SLC35F4: variants seen among roughly 807,000 people sequenced by gnomAD.
The protein encoded by SLC35F4 is chromosome 14 open reading frame 36.
A neutral mutation model predicts 44.2 loss-of-function variants in SLC35F4; 24 were observed. That is an observed-to-expected ratio of 0.54 (90% CI 0.39 to 0.76). The LOEUF (loss-of-function observed/expected upper bound fraction) is 0.76, where lower values mean the gene tolerates loss of function less well. SLC35F4 is among the 30% of genes least tolerant of loss of function. The probability of loss-of-function intolerance (pLI) is 0.00; values close to 1 mark genes in which losing one functional copy is unlikely to be tolerated. For synonymous variants in SLC35F4, 238 were observed against 223.6 expected (o/e 1.06, Z -0.57); for missense variants, 562 against 586.1 (o/e 0.96, Z 0.42).
chr14:57,705,168 A>C (rs971744205), intron 1 of SLC35F4, among the ~76,000 whole-genome samples: 4 of 152,174 alleles, frequency 2.6e-5, no homozygotes, highest in Admixed American at 2.0e-4. Flanking sequence ...AGGACTAATA[A>C]ATGCTAGCTA....
intron 4 of SLC35F4, among the ~76,000 whole-genome samples, chr14:57,573,796 T>C (rs2139725919): frequency 6.6e-6 from 1 of 152,332 alleles, no homozygotes; most frequent in Non-Finnish European, 1.5e-5. Context: ...TGTGCACAAA[T>C]AGATTTCCTT....
chr14:57,679,530 A>G (rs1210022859), intron 1 of SLC35F4, among the ~76,000 whole-genome samples: 2 of 152,224 alleles, frequency 1.3e-5, no homozygotes, highest in Non-Finnish European at 2.9e-5. Flanking sequence ...AGATTAGAGC[A>G]GAACTGAAGG....
chr14:57,573,450 G>A (rs1045581508), intron 4 of SLC35F4, among the ~76,000 whole-genome samples: 3 of 152,114 alleles, frequency 2.0e-5, no homozygotes, highest in African/African-American at 4.8e-5. Flanking sequence ...TGAAGCTGCC[G>A]GGTGTGTGTT....
intron 1 of SLC35F4, among the ~76,000 whole-genome samples, chr14:57,968,911 C>T (rs1880970009): frequency 6.6e-6 from 1 of 152,148 alleles, no homozygotes; most frequent in Admixed American, 6.5e-5. Flanking sequence ...ACTTAGGAAT[C>T]CGTTAAACTT....
chr14:57,710,558 C>T (rs1432855225), intron 1 of SLC35F4, among the ~76,000 whole-genome samples: 1 of 152,102 alleles, frequency 6.6e-6, no homozygotes, highest in East Asian at 1.9e-4. Flanking sequence ...GGAAAAGCCA[C>T]AGATACTCAA....
intron 1 of SLC35F4, among the ~76,000 whole-genome samples, chr14:57,666,146 G>A (rs1594749226): frequency 1.3e-5 from 2 of 152,160 alleles, no homozygotes; most frequent in Non-Finnish European, 1.5e-5. Flanking sequence ...GCTTGTCATA[G>A]GAAAGTCCTT....
intron 1 of SLC35F4, among the ~76,000 whole-genome samples, chr14:57,928,355 G>A (rs1397896701): frequency 2.6e-5 from 4 of 152,194 alleles, no homozygotes; most frequent in Non-Finnish European, 4.4e-5. Context: ...GGTGTTGGAG[G>A]AGGCCTGTGG....
downstream of SLC35F4, among the ~76,000 whole-genome samples, chr14:57,976,139 G>T (rs975675824): frequency 2.0e-5 from 3 of 152,208 alleles, no homozygotes; most frequent in African/African-American, 4.8e-5. Flanking sequence ...TTAAGGGAAG[G>T]TTAGGTCTGC....
At chr14:57,776,665 CAAAAAAA>C (rs57272978) in intron 1 of SLC35F4, among the ~76,000 whole-genome samples, 541 of 72,070 alleles carry the variant, frequency 7.5e-3, no homozygotes, top group Non-Finnish European at 0.012. Flanking sequence ...GACTCCATCT[CAAAAAAA>C]AAAAAAAAAA....
At chr14:57,818,271 G>A (rs576787121) in intron 1 of SLC35F4, among the ~76,000 whole-genome samples, 9 of 152,190 alleles carry the variant, frequency 5.9e-5, no homozygotes, top group Admixed American at 3.9e-4. Flanking sequence ...TCAGCATTCC[G>A]CTCAGTAACC....
At chr14:57,730,706 G>A (rs752946744) in intron 1 of SLC35F4, among the ~76,000 whole-genome samples, 55 of 152,280 alleles carry the variant, frequency 3.6e-4, no homozygotes, top group South Asian at 2.1e-4. Context: ...GCAATACAGT[G>A]TGCATTATTT....
intron 1 of SLC35F4, among the ~76,000 whole-genome samples, chr14:57,793,960 GA>G (rs2077991128): frequency 6.6e-6 from 1 of 152,070 alleles, no homozygotes; most frequent in Non-Finnish European, 1.5e-5. Flanking sequence ...ACAAATTGAG[GA>G]AAGGACATGC....
chr14:57,619,178 C>T (rs2072035007), intron 1 of SLC35F4, among the ~76,000 whole-genome samples: 3 of 152,200 alleles, frequency 2.0e-5, no homozygotes, highest in Admixed American at 2.0e-4. Flanking sequence ...CCCAGCACAG[C>T]ATTTGAGCTC....
chr14:57,699,255 A>G (rs1594825070), intron 1 of SLC35F4, among the ~76,000 whole-genome samples: 2 of 152,334 alleles, frequency 1.3e-5, no homozygotes, highest in Non-Finnish European at 1.5e-5. Flanking sequence ...GAACAAAAAA[A>G]TAGAGGATTT....
chr14:57,595,526 C>CG (rs1354258152), intron 1 of SLC35F4, among the ~76,000 whole-genome samples: 12 of 152,098 alleles, frequency 7.9e-5, no homozygotes, highest in South Asian at 2.1e-4. Context: ...TTTCTGGAGT[C>CG]GGGGAGGTCT....
In SLC35F4 at chr14:57,681,820, A is replaced by G. The variant is rs570762503; in HGVS notation, c.104-87696T>C. On this transcript the variant is annotated intron_variant, in intron 1 of 7. Coordinates refer to ENST00000556826, the MANE Select transcript of SLC35F4 (RefSeq NM_001306087.2). ...TTTACAAGAAAAAAACAACCCCATCAAAAAGTGGGCAAAGGATATGAACAG... is the reference window on the plus strand; with the variant it reads ...TTTACAAGAAAAAAACAACCCCATCGAAAAGTGGGCAAAGGATATGAACAG... 7.9e-5 allele frequency among the ~76,000 whole-genome samples: 12 copies of G among 152,238 alleles called. No homozygotes were observed. In the East Asian group the frequency reaches 1.5e-3, roughly 20 times the overall value.
chr14:57,898,153 C>T (rs1189402035), intron 1 of SLC35F4, among the ~76,000 whole-genome samples: 1 of 152,136 alleles, frequency 6.6e-6, no homozygotes, highest in African/African-American at 2.4e-5. Context: ...TCAGGTTTTC[C>T]AGACACTTCA....
intron 1 of SLC35F4, among the ~76,000 whole-genome samples, chr14:57,882,247 T>C (rs55977916): frequency 0.082 from 12,532 of 152,160 alleles, 743 homozygotes; most frequent in African/African-American, 0.17. Context: ...ACTGTGCCCC[T>C]ACTTTGGTGT....
chr14:57,711,831 G>A (rs1458013039), intron 1 of SLC35F4, among the ~76,000 whole-genome samples: 2 of 152,162 alleles, frequency 1.3e-5, no homozygotes, highest in South Asian at 2.1e-4. Context: ...GTACCCCAGA[G>A]CTATTTTAGA....
Sources: allele counts gnomAD v4.1 joint callset (sites outside exome capture counted in the v4.1 genomes callset), GRCh38; gene constraint gnomAD v4.1.1; transcripts MANE v1.5; gene names NCBI Gene and HGNC (gene_info 2026-07-23, HGNC 2026-07-21).